CEP170B: variants seen among roughly 807,000 people sequenced by gnomAD.
CEP170B encodes centrosomal protein 170B.
CEP170B carries 55 observed loss-of-function variants against 120.6 expected under a neutral mutation model. That is an observed-to-expected ratio of 0.46 (90% CI 0.37 to 0.57). The LOEUF is 0.57. CEP170B is among the 20% of genes least tolerant of loss of function. The pLI is 0.00. For missense variants in CEP170B, 2,212 were observed against 2,253.3 expected (o/e 0.98, Z 0.37); for synonymous variants, 1,033 against 954.5 (o/e 1.08, Z -1.52).
chr14:104,879,987 G>A (rs911381926), intron 5 of CEP170B, among the ~76,000 whole-genome samples: 44 of 152,174 alleles, frequency 2.9e-4, no homozygotes, highest in East Asian at 3.9e-4. Context: ...TGGCACAAGC[G>A]GCCCTGCTGC....
chr14:104,883,165 G>A lies in CEP170B; in HGVS notation c.708G>A (p.Pro236=), dbSNP rs759709690. 31 of 1,608,520 alleles carry A rather than the reference G, an allele frequency of 1.9e-5. No homozygotes were observed. Among genetic ancestry groups the A allele is most frequent in the East Asian group, 2.2e-5 (1 of 44,796 alleles). Residue 236 remains proline (P), a synonymous_variant, in exon 8 of 19, where the codon CCG becomes CCA. Transcript: ENST00000414716. ...TCCCCACGAAGGAGACCCCGCAGCC[G>A]TCGCAGCCCCCCGAGGTGCCGGCAC... is the stretch of plus-strand genomic sequence containing the variant. ...FEIPTKETPQ[P]SQPPEVPAHE... is the part of the protein sequence containing the mutation.
intron 3 of CEP170B, among the ~76,000 whole-genome samples, chr14:104,877,466 G>C (rs941156650): frequency 2.6e-5 from 4 of 152,176 alleles, no homozygotes; most frequent in African/African-American, 4.8e-5. Context: ...GACCCTCTGA[G>C]GCCTGACCCT....
Position 104,895,009 on chromosome 14 carries a change from C to G in CEP170B, c.*51C>G. On this transcript the variant is annotated 3_prime_UTR_variant, in exon 19 of 19. Transcript: ENST00000414716. ...CCCTGTGCGTGTGCGTCTCTGCCTT[C>G]CGTCCGCCGCACACCCGCCTGCCTG... 6.9e-7 allele frequency: 1 copy of G among 1,459,556 alleles called. No individual in the cohort carries two copies. Among genetic ancestry groups the G allele is most frequent in the Non-Finnish European group, 9.1e-7 (1 of 1,099,094 alleles). 90.4% of individuals were successfully genotyped at this position (1,459,556 alleles called of 1,614,324 possible). A position where few individuals can be genotyped will look rare whatever the true frequency, so the allele number is the denominator to read the frequency against.
Position 104,896,299 on chromosome 14 carries a change from G to A in CEP170B, c.*1341G>A, listed in dbSNP as rs971067415. The A allele has an allele frequency of 1.2e-4, 37 of 314,462 alleles. No individual in the cohort carries two copies. Among genetic ancestry groups the A allele is most frequent in the African/African-American group, 6.3e-4 (29 of 45,896 alleles). 19.5% of individuals were successfully genotyped at this position (314,462 alleles called of 1,614,324 possible). ...ACGGGTTCTGTTCCTCTGAGCCTGC[G>A]GCCCACCTGATGTTTACGTGTGTGT... On this transcript the variant is annotated 3_prime_UTR_variant, in exon 19 of 19. Transcript: ENST00000414716.
At position 104,885,479 on chromosome 14, in the gene CEP170B, G is replaced by T; in HGVS notation, c.1881G>T (p.Arg627=). 1.3e-6 allele frequency: 2 copies of T among 1,564,140 alleles called. No individual in the cohort carries two copies. The highest frequency in any genetic ancestry group is 1.7e-6 in the Non-Finnish European group (2 of 1,155,924). ...DESDDGGVAQ[R]MALLQEFASR... Reference sequence around the variant, plus strand: ...CTGATGACGGGGGCGTGGCCCAGCGGATGGCGCTACTGCAGGAGTTTGCCT... The same window carrying T: ...CTGATGACGGGGGCGTGGCCCAGCGTATGGCGCTACTGCAGGAGTTTGCCT... Residue 627 remains arginine, a synonymous_variant, in exon 10 of 19, where the codon CGG becomes CGT. Coordinates refer to ENST00000414716, the MANE Select transcript of CEP170B (RefSeq NM_001112726.3).
At chr14:104,875,541 C>T (rs1054899826) in intron 2 of CEP170B, among the ~76,000 whole-genome samples, 1 of 152,060 alleles carries the variant, frequency 6.6e-6, no homozygotes, top group Non-Finnish European at 1.5e-5. Context: ...GCTTGCAGCG[C>T]TGTGTGGAGT....
chr14:104,876,396 C>T (rs1895849113), intron 3 of CEP170B, 51 bp downstream of exon 3: 3 of 1,509,884 alleles, frequency 2.0e-6, no homozygotes, highest in Non-Finnish European at 9.0e-7. Context: ...ACCCTTCAGC[C>T]CTGGCCCCTC....
chr14:104,887,281 A>G lies in CEP170B; in HGVS notation c.3042A>G (p.Pro1014=). 1 of 1,609,138 alleles carries G rather than the reference A, an allele frequency of 6.2e-7. No individual in the cohort carries two copies. Among genetic ancestry groups the G allele is most frequent in the Non-Finnish European group, 8.5e-7 (1 of 1,179,128 alleles). The stretch of plus-strand genomic sequence containing the variant: ...AGTCCTCAGAGAGGCAGCATCACCC[A>G]CTTGGCCCGACGGACATGGGCCGTG... The part of the protein sequence containing the change: ...REQSSERQHH[P]LGPTDMGRGE... Residue 1014 remains proline, a synonymous_variant, in exon 12 of 19, where the codon CCA becomes CCG. Coordinates refer to ENST00000414716, the MANE Select transcript of CEP170B (RefSeq NM_001112726.3).
At chr14:104,880,537 C>A in intron 6 of CEP170B, 112 bp downstream of exon 6, 3 of 1,447,332 alleles carry the variant, frequency 2.1e-6, no homozygotes, top group East Asian at 4.9e-5. Flanking sequence ...ACCATGTACA[C>A]CCATACCCCT....
rs774097145 is a variant in CEP170B at position 104,894,274 on chromosome 14, A to C, written c.4272-11A>C. The C allele has an allele frequency of 2.0e-5, 32 of 1,605,252 alleles. No individual in the cohort carries two copies. The highest frequency in any genetic ancestry group is 2.7e-5 in the Non-Finnish European group (32 of 1,172,836). ...TGTCCCCCCATTTCTGCCTCCCCCTACCTCGGACAGGATCCTCTTTCAGAA... is the reference window on the plus strand; with the variant it reads ...TGTCCCCCCATTTCTGCCTCCCCCTCCCTCGGACAGGATCCTCTTTCAGAA... On this transcript the variant is annotated splice_polypyrimidine_tract_variant and intron_variant, in intron 16 of 18. Coordinates refer to ENST00000414716, the MANE Select transcript of CEP170B (RefSeq NM_001112726.3).
intron 5 of CEP170B, among the ~76,000 whole-genome samples, chr14:104,879,245 C>T (rs763727218): frequency 3.9e-5 from 6 of 151,948 alleles, no homozygotes; most frequent in East Asian, 1.9e-4. Flanking sequence ...TCCTTAGGCT[C>T]GGGGGATTTG....
At position 104,887,736 on chromosome 14, in the gene CEP170B, G is replaced by T. The variant is rs767372160; in HGVS notation, c.3497G>T (p.Arg1166Leu). 2.5e-6 allele frequency: 4 copies of T among 1,583,572 alleles called. No individual in the cohort carries two copies. The highest frequency in any genetic ancestry group is 2.3e-5 in the East Asian group (1 of 43,672). ...GCTGAGCAGGCCAAGAAGCTGTCAC[G>T]CCTGGACATCCTGGCCATGCCCCGG... The part of the protein sequence containing the change: ...PAAEQAKKLS[R>L]LDILAMPRKR... The change falls in exon 12 of 19, where the codon CGC becomes CTC. Residue 1166 changes from arginine (R) to leucine (L), a missense_variant. By Grantham distance (102) the Arg-to-Leu change is moderately radical. Coordinates refer to ENST00000414716, the MANE Select transcript of CEP170B (RefSeq NM_001112726.3).
At chr14:104,878,650 C>T (rs1209148997) in intron 5 of CEP170B, 149 bp downstream of exon 5, 2 of 733,694 alleles carry the variant, frequency 2.7e-6, no homozygotes, top group African/African-American at 3.5e-5. Context: ...GTCAGGCCAG[C>T]CTGTCCTGCC....
intron 2 of CEP170B, among the ~76,000 whole-genome samples, chr14:104,872,488 C>T (rs1297363008): frequency 1.4e-5 from 1 of 73,450 alleles, no homozygotes; most frequent in South Asian, 4.9e-4. Context: ...TGCGTGTGTG[C>T]CGTGTGTGTG....
At chr14:104,865,177 C>G (rs1165847663), upstream of CEP170B, 2 of 90,084 alleles carry the variant, frequency 2.2e-5, no homozygotes, top group South Asian at 7.0e-4. This position sits in a 1 kb window ranked among gnomAD's most constrained non-coding sequence, Gnocchi z 6.7. Flanking sequence ...TCCGGCGGGG[C>G]GGCGCGGGGT....
At chr14:104,893,461 G>C in intron 14 of CEP170B, 62 bp from the exon 15 acceptor site, 1 of 1,551,872 alleles carries the variant, frequency 6.4e-7, no homozygotes. Context: ...GCAGGGAGGT[G>C]CAGCCACAGC....
chr14:104,866,592 G>A (rs939790364), intron 1 of CEP170B, among the ~76,000 whole-genome samples: 6 of 152,220 alleles, frequency 3.9e-5, no homozygotes, highest in Non-Finnish European at 8.8e-5. Flanking sequence ...GCTGCCTGGA[G>A]CTGCCTTCTC....
In CEP170B at chr14:104,884,192, G is replaced by T; in HGVS notation, c.1413G>T (p.Lys471Asn). The change falls in exon 9 of 19, where the codon AAG becomes AAT. Residue 471 changes from lysine to asparagine, a missense_variant. By Grantham distance (94) the Lys-to-Asn change is moderately conservative (BLOSUM62 0). Around this residue, in one of 2 missense-constraint regions of CEP170B, gnomAD observed 2,166 missense variants for 2,166.7 expected, o/e 1.00. Coordinates refer to ENST00000414716, the MANE Select transcript of CEP170B (RefSeq NM_001112726.3). The part of the protein sequence containing the change: ...PQRAGSLKRE[K>N]TEERLGSPSP... ...GGGCCGGCTCGCTCAAGCGGGAGAA[G>T]ACAGAGGAACGGCTGGGCAGCCCCT... The T allele has an allele frequency of 6.5e-7, 1 of 1,546,142 alleles. No individual in the cohort carries two copies.
At chr14:104,873,175 C>T (rs1895664433) in intron 2 of CEP170B, among the ~76,000 whole-genome samples, 1 of 151,840 alleles carries the variant, frequency 6.6e-6, no homozygotes, top group Non-Finnish European at 1.5e-5. Flanking sequence ...GGTGAGAAAG[C>T]CCTGGCCGGG....
Sources: gnomAD v4.1 joint callset for allele counts (sites outside exome capture counted in the v4.1 genomes callset) on GRCh38, gnomAD v4.1.1 for gene constraint, gnomAD v4.1.1 regional missense constraint, Gnocchi (gnomAD v3.1) non-coding constraint, MANE v1.5 for transcripts, NCBI Gene and HGNC (gene_info 2026-07-23, HGNC 2026-07-21) for gene names.